Variants in TMEM170B observed in about 807,000 individuals in gnomAD.
The protein encoded by TMEM170B is transmembrane protein 170B.
Under a neutral mutation model 13.0 loss-of-function variants are expected in TMEM170B, and 6 were observed. The observed-to-expected ratio is 0.46, with a 90% CI of 0.25 to 0.91. TMEM170B has a LOEUF of 0.91. Among genes scored for constraint, TMEM170B ranks in the 40% least tolerant of loss-of-function variants. The pLI is 0.17. For missense variants in TMEM170B, 138 were observed against 165.2 expected, an observed-to-expected ratio of 0.84 and a Z score of 0.90; for synonymous variants, 61 against 64.9, an observed-to-expected ratio of 0.94 and a Z score of 0.29.
chr6:11,562,354 A>T (rs1759677316), intron 1 of TMEM170B, among the ~76,000 whole-genome samples: 1 of 150,968 alleles, frequency 6.6e-6, no homozygotes. Flanking sequence ...TGGAAGAGAA[A>T]AGCCTCTAAA....
At chr6:11,549,958 C>A (rs1175343786) in intron 1 of TMEM170B, among the ~76,000 whole-genome samples, 2 of 151,926 alleles carry the variant, frequency 1.3e-5, no homozygotes, top group Admixed American at 1.3e-4. Flanking sequence ...CATTACTCCC[C>A]TTCATTTGGT....
intron 1 of TMEM170B, among the ~76,000 whole-genome samples, chr6:11,539,314 A>G (rs1466780922): frequency 6.6e-6 from 1 of 152,240 alleles, no homozygotes; most frequent in South Asian, 2.1e-4. Context: ...TCTTAAAAAA[A>G]TACTCAGAAT....
intron 1 of TMEM170B, among the ~76,000 whole-genome samples, chr6:11,552,392 T>C (rs1449140486): frequency 6.6e-6 from 1 of 152,216 alleles, no homozygotes; most frequent in Non-Finnish European, 1.5e-5. Flanking sequence ...GTATTAGCCA[T>C]AGAAAATTAT....
Position 11,575,404 on chromosome 6 carries a change from C to A in TMEM170B, c.269-27C>A, listed in dbSNP as rs1342313741. 1.2e-6 allele frequency: 2 copies of A among 1,612,672 alleles called. No individual in the cohort carries two copies. The highest frequency in any genetic ancestry group is 3.3e-5 in the Admixed American group (2 of 59,954). On this transcript the variant is annotated intron_variant, in intron 2 of 2. Coordinates refer to ENST00000379426, the MANE Select transcript of TMEM170B (RefSeq NM_001100829.3). The surrounding 1 kb of genome is among the most constrained non-coding windows in gnomAD (Gnocchi z 4.1). ...TGTTATAAAACGAGTGACTGTATCCCTTCATTTTTCTCCCGTTTCTCCTTA... is the reference window on the plus strand; with the variant it reads ...TGTTATAAAACGAGTGACTGTATCCATTCATTTTTCTCCCGTTTCTCCTTA...
At chr6:11,549,288 G>A (rs2113765966) in intron 1 of TMEM170B, among the ~76,000 whole-genome samples, 1 of 151,676 alleles carries the variant, frequency 6.6e-6, no homozygotes, top group African/African-American at 2.4e-5. Context: ...AGGTGTGATA[G>A]GTTAATTTTT....
intron 1 of TMEM170B, among the ~76,000 whole-genome samples, chr6:11,539,046 C>A (rs1759324297): frequency 6.6e-6 from 1 of 152,106 alleles, no homozygotes. Context: ...GTGTATTTCC[C>A]TTCATTTATT....
chr6:11,551,592 ATCCTGATAT>A (rs1472166859), intron 1 of TMEM170B, among the ~76,000 whole-genome samples: 2 of 152,252 alleles, frequency 1.3e-5, no homozygotes, highest in Non-Finnish European at 2.9e-5. Flanking sequence ...TCAAGGATTA[ATCCTGATAT>A]TTCTTGATTA....
rs1017231808 is a variant in TMEM170B at position 11,538,131 on chromosome 6, A to T, written c.-147A>T. 4 of 177,528 alleles carry T rather than the reference A, an allele frequency of 2.3e-5. No homozygotes were observed. In the East Asian group the frequency reaches 5.4e-4, roughly 24 times the overall value. The allele number at this position is 177,528 out of a possible 1,614,324, so 11.0% of individuals were successfully genotyped here. A position where few individuals can be genotyped will look rare whatever the true frequency, so the allele number is the denominator to read the frequency against. ...CCCACGGAGGCCCTCCGGCTGCAGC[A>T]GCAGCAGCGCCCGGCCCGGCGTCCC... On this transcript the variant is annotated 5_prime_UTR_variant, in exon 1 of 3. Transcript: ENST00000379426.
intron 2 of TMEM170B, among the ~76,000 whole-genome samples, chr6:11,569,282 G>T (rs1249181490): frequency 6.6e-6 from 1 of 152,028 alleles, no homozygotes; most frequent in African/African-American, 2.4e-5. Flanking sequence ...CATTTACGGA[G>T]CAGAAATCCT....
At chr6:11,546,293 T>C (rs1009918811) in intron 1 of TMEM170B, among the ~76,000 whole-genome samples, 11 of 152,086 alleles carry the variant, frequency 7.2e-5, no homozygotes, top group African/African-American at 2.4e-4. Context: ...ATTAAGAATA[T>C]AAAGTATTTT....
intron 1 of TMEM170B, among the ~76,000 whole-genome samples, chr6:11,542,156 C>T (rs1423766547): frequency 6.6e-6 from 1 of 151,934 alleles, no homozygotes; most frequent in Non-Finnish European, 1.5e-5. Context: ...TTGTAAAAGC[C>T]AAAATAAAGT....
At chr6:11,561,925 G>GCTA (rs1759670156) in intron 1 of TMEM170B, among the ~76,000 whole-genome samples, 1 of 152,112 alleles carries the variant, frequency 6.6e-6, no homozygotes, top group South Asian at 2.1e-4. Flanking sequence ...TGAGATCATA[G>GCTA]CTACATATTC....
rs535180938 is a variant in TMEM170B, at chr6:11,582,056, C to T, written c.*6495C>T. The T allele has an allele frequency of 1.1e-4, 17 of 152,108 alleles. No individual in the cohort carries two copies. The highest frequency in any genetic ancestry group is 6.5e-4 in the Admixed American group (10 of 15,282). The allele number at this position is 152,108 out of a possible 1,614,324, so 9.4% of individuals were successfully genotyped here. A position where few individuals can be genotyped will look rare whatever the true frequency, so the allele number is the denominator to read the frequency against. ...TTTAGATGAACAAATAGGAAATTCA[C>T]GGTATTTTTTGTTTTAGCCATCCAA... is the stretch of plus-strand genomic sequence containing the variant. On this transcript the variant is annotated 3_prime_UTR_variant, in exon 3 of 3. Transcript: ENST00000379426.
At chr6:11,539,668 G>T (rs1759334263) in intron 1 of TMEM170B, among the ~76,000 whole-genome samples, 1 of 152,154 alleles carries the variant, frequency 6.6e-6, no homozygotes, top group South Asian at 2.1e-4. Context: ...TGCCGGTAAG[G>T]AATATATTGT....
rs183189259 is a variant in TMEM170B at position 11,544,649 on chromosome 6, A to G, written c.97+6275A>G. Among the ~76,000 whole-genome samples the G allele has an allele frequency of 9.8e-4, 149 of 152,262 alleles. 1 individual carries two copies. The highest frequency in any genetic ancestry group is 6.8e-3 in the Middle Eastern group (2 of 294). On this transcript the variant is annotated intron_variant, in intron 1 of 2. Transcript: ENST00000379426. ...TACCTTGGAAGACACTTGTATGGGG[A>G]TTCCATGTAGAGCATACTAATCCCT...
intron 1 of TMEM170B, among the ~76,000 whole-genome samples, chr6:11,553,378 T>A (rs1759549139): frequency 6.6e-6 from 1 of 152,214 alleles, no homozygotes; most frequent in Admixed American, 6.5e-5. Context: ...ACATTAAAAA[T>A]GTTTATGTAA....
At chr6:11,543,715 CTG>C (rs1759392775) in intron 1 of TMEM170B, among the ~76,000 whole-genome samples, 1 of 152,090 alleles carries the variant, frequency 6.6e-6, no homozygotes, top group Non-Finnish European at 1.5e-5. Context: ...TAAGAAATAA[CTG>C]TGTGAAGGAT....
chr6:11,544,731 T>C (rs1759407884), intron 1 of TMEM170B, among the ~76,000 whole-genome samples: 1 of 152,232 alleles, frequency 6.6e-6, no homozygotes, highest in Non-Finnish European at 1.5e-5. Flanking sequence ...TCTGTACATA[T>C]CACTTCTTTA....
At chr6:11,544,324 A>G (rs1229371900) in intron 1 of TMEM170B, among the ~76,000 whole-genome samples, 1 of 152,228 alleles carries the variant, frequency 6.6e-6, no homozygotes, top group Non-Finnish European at 1.5e-5. Context: ...ATGCTGAGTC[A>G]GTAAATAGCA....
Sources: allele counts gnomAD v4.1 joint callset (sites outside exome capture counted in the v4.1 genomes callset), GRCh38; gene constraint gnomAD v4.1.1; non-coding constraint Gnocchi (gnomAD v3.1); transcripts MANE v1.5; gene names NCBI Gene and HGNC (gene_info 2026-07-23, HGNC 2026-07-21).